The following PGS1 variants were observed in gnomAD, a reference collection of about 807,000 sequenced individuals.
The protein encoded by PGS1 is CDP-diacylglycerol--glycerol-3-phosphate 3-phosphatidyltransferase, mitochondrial.
A neutral mutation model predicts 58.3 loss-of-function variants in PGS1; 44 were observed. The ratio of observed to expected loss-of-function variants is 0.75; its 90% confidence interval spans 0.59 to 0.97. The LOEUF is 0.97. Ranked by LOEUF, PGS1 falls within the 50% of genes least tolerant of loss-of-function variation. The pLI is 0.00. For synonymous variants in PGS1, 330 were observed against 311.0 expected (o/e 1.06, Z -0.64); for missense variants, 684 against 731.1 (o/e 0.94, Z 0.74).
intron 4 of PGS1, 178 bp from the exon 5 acceptor site, chr17:78,399,168 GGC>G (rs2083463641): frequency 1.7e-6 from 1 of 603,096 alleles, no homozygotes; most frequent in Non-Finnish European, 3.0e-6. Context: ...CCTGAGACAT[GGC>G]CAGCATGCAG....
intron 1 of PGS1, among the ~76,000 whole-genome samples, chr17:78,379,022 C>G (rs2081839630): frequency 6.6e-6 from 1 of 152,160 alleles, no homozygotes; most frequent in African/African-American, 2.4e-5. Context: ...CCATTATCGG[C>G]CGGGTCCAGC....
intron 1 of PGS1, 52 bp from the exon 2 acceptor site, chr17:78,392,424 G>T: frequency 2.9e-6 from 4 of 1,370,684 alleles, no homozygotes; most frequent in Non-Finnish European, 4.0e-6. Flanking sequence ...GGCTTCTGCA[G>T]AAGTATTTGA....
chr17:78,424,374 A>G lies in PGS1; in HGVS notation c.*324A>G. ...GCTGGGCTCAAGGAACAGCTCAGCTAAAGCCCTCGGGTTCCATCCGTTTAA... is the reference window on the plus strand; with the variant it reads ...GCTGGGCTCAAGGAACAGCTCAGCTGAAGCCCTCGGGTTCCATCCGTTTAA... On this transcript the variant is annotated 3_prime_UTR_variant, in exon 10 of 10. Coordinates refer to ENST00000262764, the MANE Select transcript of PGS1 (RefSeq NM_024419.5). 1.9e-6 allele frequency: 1 copy of G among 518,226 alleles called. No homozygotes were observed. The allele number at this position is 518,226 out of a possible 1,614,324, so 32.1% of individuals were successfully genotyped here.
intron 1 of PGS1, among the ~76,000 whole-genome samples, chr17:78,379,486 C>CA (rs2081879787): frequency 6.6e-6 from 1 of 152,014 alleles, no homozygotes; most frequent in African/African-American, 2.4e-5. Context: ...AAACATTTGC[C>CA]AAGAACATGC....
chr17:78,407,095 C>T (rs537326015), intron 7 of PGS1, among the ~76,000 whole-genome samples: 135 of 152,280 alleles, frequency 8.9e-4, no homozygotes, highest in Non-Finnish European at 1.7e-3. Context: ...GGGTGCCCTG[C>T]AACCCAGGAG....
chr17:78,398,707 ACTC>A (rs2083430707), intron 4 of PGS1, among the ~76,000 whole-genome samples: 1 of 151,984 alleles, frequency 6.6e-6, no homozygotes, highest in African/African-American at 2.4e-5. Flanking sequence ...CTTTTTGTGG[ACTC>A]CTGTGACTGA....
In PGS1 at chr17:78,400,987, C is replaced by T; in HGVS notation, c.880+132C>T. ...GGCAAGGCTTCATTCTGCTTTTGTCCTTGAAGCCAGACAGATGTGACTCAC... is the reference window on the plus strand; with the variant it reads ...GGCAAGGCTTCATTCTGCTTTTGTCTTTGAAGCCAGACAGATGTGACTCAC... On this transcript the variant is annotated intron_variant, in intron 6 of 9. Transcript: ENST00000262764. This position sits in a 1 kb window ranked among gnomAD's most constrained non-coding sequence, Gnocchi z 4.4. 1 of 752,994 alleles carries T rather than the reference C, an allele frequency of 1.3e-6. No homozygotes were observed. The highest frequency in any genetic ancestry group is 2.1e-6 in the Non-Finnish European group (1 of 474,636). The allele number at this position is 752,994 out of a possible 1,614,324, so 46.6% of individuals were successfully genotyped here. A position where few individuals can be genotyped will look rare whatever the true frequency, so the allele number is the denominator to read the frequency against.
intron 8 of PGS1, among the ~76,000 whole-genome samples, chr17:78,417,801 G>C (rs867479602): frequency 6.6e-6 from 1 of 151,812 alleles, no homozygotes; most frequent in African/African-American, 2.4e-5. Context: ...TAGAGTCGCG[G>C]TGCAACTGTG....
At chr17:78,398,656 G>T (rs1422134374) in intron 4 of PGS1, among the ~76,000 whole-genome samples, 2 of 152,230 alleles carry the variant, frequency 1.3e-5, no homozygotes, top group African/African-American at 4.8e-5. Flanking sequence ...GGGCAACATA[G>T]CCAGACTTTG....
intron 3 of PGS1, among the ~76,000 whole-genome samples, chr17:78,397,594 C>CCCCA (rs10642898): frequency 6.6e-6 from 1 of 151,666 alleles, no homozygotes; most frequent in African/African-American, 2.4e-5. Context: ...GCGCCACCCC[C>CCCCA]CCAGCTAATT....
At chr17:78,423,861 T>G (rs927551330) in intron 9 of PGS1, 200 bp from the exon 10 acceptor site, 2 of 1,605,672 alleles carry the variant, frequency 1.2e-6, no homozygotes, top group African/African-American at 2.7e-5. Context: ...AAGGGCTGAG[T>G]TGTGGTCCAG....
intron 6 of PGS1, among the ~76,000 whole-genome samples, chr17:78,402,931 C>G (rs1246037548): frequency 6.6e-6 from 1 of 152,046 alleles, no homozygotes; most frequent in Admixed American, 6.6e-5. Context: ...GTGTCTTGTC[C>G]GAATACAAAA....
At chr17:78,419,470 G>C (rs947678906) in intron 8 of PGS1, 76 bp from the exon 9 acceptor site, 51 of 1,333,484 alleles carry the variant, frequency 3.8e-5, no homozygotes, top group Admixed American at 1.9e-4. Flanking sequence ...CTGAGGGGCT[G>C]GGCTGGGGCC....
intron 8 of PGS1, among the ~76,000 whole-genome samples, chr17:78,416,703 G>A (rs574165410): frequency 6.6e-6 from 1 of 152,336 alleles, no homozygotes; most frequent in Non-Finnish European, 1.5e-5. Context: ...AGGGTGGTAG[G>A]TCTGCTACTG....
intron 1 of PGS1, among the ~76,000 whole-genome samples, chr17:78,388,121 A>G (rs546636555): frequency 6.6e-6 from 1 of 152,378 alleles, no homozygotes; most frequent in East Asian, 1.9e-4. Flanking sequence ...GTCAGTACAC[A>G]GATTAAACAG....
chr17:78,410,462 C>CTTTTTTTTTT (rs572547320), intron 7 of PGS1, among the ~76,000 whole-genome samples: 4 of 73,532 alleles, frequency 5.4e-5, no homozygotes, highest in African/African-American at 1.6e-4. Context: ...AACTTCAGAG[C>CTTTTTTTTTT]TTTTTTTTTT....
In PGS1 at chr17:78,424,044, C is replaced by A; in HGVS notation, c.*11-17C>A. The A allele has an allele frequency of 6.2e-7, 1 of 1,614,060 alleles. No homozygotes were observed. Among genetic ancestry groups the A allele is most frequent in the South Asian group, 1.1e-5 (1 of 91,080 alleles). ...CGGGACACTCATAGATGTTCTTGGTCTCCATGCGGTCCACAGGAATGGCCT... is the reference window on the plus strand; with the variant it reads ...CGGGACACTCATAGATGTTCTTGGTATCCATGCGGTCCACAGGAATGGCCT... On this transcript the variant is annotated splice_polypyrimidine_tract_variant and intron_variant, in intron 9 of 9. Coordinates refer to ENST00000262764, the MANE Select transcript of PGS1 (RefSeq NM_024419.5).
At position 78,412,686 on chromosome 17, in the gene PGS1, C is replaced by T. The variant is rs566654436; in HGVS notation, c.1403-2193C>T. Among the ~76,000 whole-genome samples the T allele has an allele frequency of 1.5e-3, 228 of 152,296 alleles. 1 individual carries two copies. The highest frequency in any genetic ancestry group is 2.7e-3 in the Non-Finnish European group (181 of 68,022). Reference sequence around the variant, plus strand: ...TGGGGTGGACACCGAGTCATGGTGGCGTGACACAGAGCAGCCTGACCCTCG... The same window carrying T: ...TGGGGTGGACACCGAGTCATGGTGGTGTGACACAGAGCAGCCTGACCCTCG... On this transcript the variant is annotated intron_variant, in intron 7 of 9. Transcript: ENST00000262764.
chr17:78,383,331 A>T (rs540239728), intron 1 of PGS1, among the ~76,000 whole-genome samples: 3 of 151,636 alleles, frequency 2.0e-5, no homozygotes, highest in Non-Finnish European at 4.4e-5. Flanking sequence ...GCTTCAAGCG[A>T]TTCTCCTGCC....
Sources: allele counts gnomAD v4.1 joint callset (sites outside exome capture counted in the v4.1 genomes callset), GRCh38; gene constraint gnomAD v4.1.1; non-coding constraint Gnocchi (gnomAD v3.1); transcripts MANE v1.5; gene names NCBI Gene and HGNC (gene_info 2026-07-23, HGNC 2026-07-21).